The following TTC28 variants were observed in gnomAD, a reference collection of about 807,000 sequenced individuals.
TTC28 encodes the protein tetratricopeptide repeat domain 28.
A neutral mutation model predicts 198.0 loss-of-function variants in TTC28; 61 were observed. The observed-to-expected ratio is 0.31, with a 90% CI of 0.25 to 0.38. The LOEUF is 0.38. Ranked by LOEUF, TTC28 falls within the 10% of genes least tolerant of loss-of-function variation. The probability of loss-of-function intolerance (pLI) is 1.00; values close to 1 mark genes in which losing one functional copy is unlikely to be tolerated. For synonymous variants in TTC28, 1,171 were observed against 1,297.8 expected, an observed-to-expected ratio of 0.90 and a Z score of 2.10; for missense variants, 2,678 against 3,164.0, an observed-to-expected ratio of 0.85 and a Z score of 3.69.
At chr22:28,450,751 C>T (rs560131290) in intron 2 of TTC28, among the ~76,000 whole-genome samples, 136 of 152,230 alleles carry the variant, frequency 8.9e-4, no homozygotes, top group African/African-American at 3.1e-3. Context: ...TACGACACAA[C>T]AACTGGGACT....
intron 2 of TTC28, among the ~76,000 whole-genome samples, chr22:28,614,184 C>G (rs2050864460): frequency 6.6e-6 from 1 of 152,164 alleles, no homozygotes; most frequent in Non-Finnish European, 1.5e-5. Context: ...TGTGTGAACT[C>G]CCACTCACGA....
At chr22:28,091,149 C>T (rs909488305) in intron 12 of TTC28, among the ~76,000 whole-genome samples, 5 of 152,196 alleles carry the variant, frequency 3.3e-5, no homozygotes, top group Admixed American at 2.0e-4. Context: ...TGAACTATAA[C>T]TCAAAAGACA....
intron 2 of TTC28, among the ~76,000 whole-genome samples, chr22:28,472,826 C>T (rs1338590446): frequency 2.0e-5 from 3 of 152,100 alleles, no homozygotes; most frequent in Admixed American, 6.5e-5. Flanking sequence ...TGAACACACA[C>T]TCACATCAAG....
chr22:28,473,434 C>T (rs546129758), intron 2 of TTC28, among the ~76,000 whole-genome samples: 5 of 152,286 alleles, frequency 3.3e-5, no homozygotes, highest in Non-Finnish European at 5.9e-5. Flanking sequence ...CCATAAGACA[C>T]GCCCAATGGC....
intron 2 of TTC28, among the ~76,000 whole-genome samples, chr22:28,428,161 A>C (rs2047378344): frequency 6.6e-6 from 1 of 152,168 alleles, no homozygotes; most frequent in Non-Finnish European, 1.5e-5. Flanking sequence ...CATTTTATTA[A>C]CAATCTAACT....
At chr22:28,059,612 T>C (rs1940429603) in intron 12 of TTC28, among the ~76,000 whole-genome samples, 1 of 152,054 alleles carries the variant, frequency 6.6e-6, no homozygotes, top group East Asian at 1.9e-4. Flanking sequence ...AAATTTCTAA[T>C]TATAGCTATT....
chr22:28,350,702 T>C (rs1216210492), intron 2 of TTC28, among the ~76,000 whole-genome samples: 1 of 151,936 alleles, frequency 6.6e-6, no homozygotes, highest in African/African-American at 2.4e-5. Context: ...ATCACGACAA[T>C]GCAATCAGAA....
chr22:28,639,395 A>G (rs1305427061), intron 1 of TTC28, among the ~76,000 whole-genome samples: 1 of 152,228 alleles, frequency 6.6e-6, no homozygotes. Context: ...AGCTATTCTT[A>G]CGCCTAGAGA....
At chr22:28,455,187 T>G (rs988325787) in intron 2 of TTC28, among the ~76,000 whole-genome samples, 2 of 152,184 alleles carry the variant, frequency 1.3e-5, no homozygotes, top group Non-Finnish European at 2.9e-5. Flanking sequence ...GTTCTGGGTA[T>G]AGAACACAGT....
At chr22:28,481,839 C>A (rs1386822519) in intron 2 of TTC28, among the ~76,000 whole-genome samples, 2 of 152,098 alleles carry the variant, frequency 1.3e-5, no homozygotes, top group South Asian at 4.1e-4. Flanking sequence ...CACACCACCC[C>A]CAAGCTGGAA....
chr22:28,151,357 T>A (rs1182527832), intron 6 of TTC28, among the ~76,000 whole-genome samples: 1 of 152,182 alleles, frequency 6.6e-6, no homozygotes, highest in Non-Finnish European at 1.5e-5. Context: ...GAGACACAAC[T>A]ATGGGACCTG....
At chr22:28,033,428 T>G (rs1402491977) in intron 12 of TTC28, among the ~76,000 whole-genome samples, 1 of 152,176 alleles carries the variant, frequency 6.6e-6, no homozygotes, top group Non-Finnish European at 1.5e-5. Flanking sequence ...AGGCCCTGAT[T>G]CAATTCACAT....
chr22:28,485,492 T>G (rs974342844), intron 2 of TTC28, among the ~76,000 whole-genome samples: 3 of 152,168 alleles, frequency 2.0e-5, no homozygotes, highest in Non-Finnish European at 4.4e-5. Context: ...TCAGTTGGCT[T>G]TAAATATATT....
rs1441107084 is a variant in TTC28 at position 28,296,212 on chromosome 22, G to C, written c.919C>G (p.Leu307Val). The change falls in exon 5 of 23, where the codon CTC (leucine) becomes GTC (valine). Residue 307 changes from leucine to valine, a missense_variant. Around this residue, in one of 8 missense-constraint regions of TTC28, gnomAD observed 775 missense variants for 845.9 expected, o/e 0.92. Coordinates refer to ENST00000397906, the MANE Select transcript of TTC28 (RefSeq NM_001145418.2). ...AAACTTCCTACCTCTCGATCTTTGA[G>C]TTTCATGGCGAGTACCAACTGATGC... The part of the protein sequence containing the change: ...HRHQLVLAMK[L>V]KDREAASSAL... The C allele has an allele frequency of 6.5e-7, 1 of 1,547,650 alleles. No individual in the cohort carries two copies. Among genetic ancestry groups the C allele is most frequent in the Admixed American group, 2.0e-5 (1 of 50,378 alleles).
At chr22:28,261,655 C>T (rs906605511) in intron 5 of TTC28, among the ~76,000 whole-genome samples, 1 of 152,130 alleles carries the variant, frequency 6.6e-6, no homozygotes, top group Non-Finnish European at 1.5e-5. Context: ...GAATGCCTCC[C>T]TTTATGATTA....
intron 5 of TTC28, among the ~76,000 whole-genome samples, chr22:28,210,084 T>C: frequency 6.6e-6 from 1 of 152,160 alleles, no homozygotes; most frequent in East Asian, 1.9e-4. Flanking sequence ...TCCTCAGTGT[T>C]AGAAGGCAAA....
intron 12 of TTC28, among the ~76,000 whole-genome samples, chr22:28,038,363 T>C (rs1007983226): frequency 1.3e-5 from 2 of 152,086 alleles, no homozygotes; most frequent in Admixed American, 1.3e-4. Context: ...GAAATAATGC[T>C]ACACATCTAC....
At chr22:28,487,262 T>C (rs1396746358) in intron 2 of TTC28, among the ~76,000 whole-genome samples, 1 of 152,004 alleles carries the variant, frequency 6.6e-6, no homozygotes, top group Non-Finnish European at 1.5e-5. Flanking sequence ...ATAAATTATC[T>C]TTGTTTTTAA....
intron 5 of TTC28, among the ~76,000 whole-genome samples, chr22:28,233,877 T>C (rs1268278814): frequency 2.0e-5 from 3 of 151,222 alleles, no homozygotes; most frequent in Non-Finnish European, 2.9e-5. Context: ...TAGCTGGGAC[T>C]ACAGGCACCC....
Sources: allele counts gnomAD v4.1 joint callset (sites outside exome capture counted in the v4.1 genomes callset), GRCh38; gene constraint gnomAD v4.1.1; regional missense constraint gnomAD v4.1.1; transcripts MANE v1.5; gene names NCBI Gene and HGNC (gene_info 2026-07-23, HGNC 2026-07-21).